MAST4: variants seen among roughly 807,000 people sequenced by gnomAD.
MAST4 encodes the protein microtubule-associated serine/threonine-protein kinase 4.
In MAST4, 89 loss-of-function variants were observed where a neutral mutation model predicts 162.7. The observed-to-expected ratio is 0.55, with a 90% confidence interval of 0.46 to 0.65. MAST4 has a LOEUF of 0.65. Among genes scored for constraint, MAST4 ranks in the 30% least tolerant of loss-of-function variants. MAST4 has a pLI of 0.00. For synonymous variants in MAST4, 1,479 were observed against 1,361.1 expected (o/e 1.09, Z -1.91); for missense variants, 3,153 against 3,374.0 (o/e 0.93, Z 1.62).
intron 2 of MAST4, among the ~76,000 whole-genome samples, chr5:66,771,947 T>C (rs918329971): frequency 2.0e-5 from 3 of 152,180 alleles, no homozygotes; most frequent in Non-Finnish European, 4.4e-5. Context: ...TGCATTGTGC[T>C]CTTTTAGGTT....
At chr5:66,833,296 A>G (rs1757741163) in intron 3 of MAST4, among the ~76,000 whole-genome samples, 1 of 152,102 alleles carries the variant, frequency 6.6e-6, no homozygotes, top group Non-Finnish European at 1.5e-5. Flanking sequence ...CCTGTCACCA[A>G]ACCCTGTCAA....
intron 4 of MAST4, among the ~76,000 whole-genome samples, chr5:67,036,274 A>G (rs955287213): frequency 2.0e-5 from 3 of 151,622 alleles, no homozygotes; most frequent in African/African-American, 4.9e-5. Flanking sequence ...TGTGGCTAGC[A>G]ATATTTAAAA....
chr5:66,722,302 T>A (rs1238733898), intron 1 of MAST4, among the ~76,000 whole-genome samples: 1 of 152,140 alleles, frequency 6.6e-6, no homozygotes, highest in Non-Finnish European at 1.5e-5. Flanking sequence ...CCTGGCTATT[T>A]TGAGCCTCTG....
At chr5:66,703,823 T>A (rs182887360) in intron 1 of MAST4, among the ~76,000 whole-genome samples, 1 of 152,318 alleles carries the variant, frequency 6.6e-6, no homozygotes, top group South Asian at 2.1e-4. Context: ...CTGCTCCAGT[T>A]TGATCTCTTT....
At chr5:66,740,224 C>T (rs1210312143) in intron 1 of MAST4, among the ~76,000 whole-genome samples, 2 of 152,160 alleles carry the variant, frequency 1.3e-5, no homozygotes, top group Non-Finnish European at 2.9e-5. Context: ...TTAAAAGAGA[C>T]AGCAGAGGCT....
At chr5:66,825,140 C>G (rs1475094462) in intron 3 of MAST4, among the ~76,000 whole-genome samples, 1 of 152,086 alleles carries the variant, frequency 6.6e-6, no homozygotes, top group Admixed American at 6.6e-5. Context: ...TAAATTCTTT[C>G]GCAATATCAC....
At chr5:67,137,555 T>A (rs1457599702) in intron 19 of MAST4, among the ~76,000 whole-genome samples, 1 of 152,216 alleles carries the variant, frequency 6.6e-6, no homozygotes, top group African/African-American at 2.4e-5. Flanking sequence ...TCCCCCATTT[T>A]TTTCCAAGAC....
chr5:67,126,696 C>G (rs1249072399), intron 14 of MAST4, among the ~76,000 whole-genome samples: 1 of 152,090 alleles, frequency 6.6e-6, no homozygotes, highest in Non-Finnish European at 1.5e-5. Flanking sequence ...CAGCTTTGTT[C>G]TTTTGGCTTA....
At chr5:66,619,454 T>A (rs1366399106) in intron 1 of MAST4, among the ~76,000 whole-genome samples, 1 of 152,208 alleles carries the variant, frequency 6.6e-6, no homozygotes, top group Non-Finnish European at 1.5e-5. Flanking sequence ...TTTGTTGAGC[T>A]GCTTATACCC....
chr5:66,772,950 C>A (rs1463652995), intron 2 of MAST4, among the ~76,000 whole-genome samples: 1 of 152,172 alleles, frequency 6.6e-6, no homozygotes, highest in Non-Finnish European at 1.5e-5. Context: ...CCCCTGTGCA[C>A]ACACACATGC....
chr5:67,087,833 C>A (rs1763416446), intron 5 of MAST4, among the ~76,000 whole-genome samples: 1 of 152,122 alleles, frequency 6.6e-6, no homozygotes, highest in Admixed American at 6.5e-5. Flanking sequence ...AGAACTAACA[C>A]CTCTATAGTC....
At chr5:66,967,990 G>A (rs902500333) in intron 4 of MAST4, among the ~76,000 whole-genome samples, 11 of 152,142 alleles carry the variant, frequency 7.2e-5, no homozygotes, top group Non-Finnish European at 1.3e-4. Flanking sequence ...TAATATAGAT[G>A]TGACTCGTGC....
In MAST4 at chr5:67,165,787, C is replaced by T; in HGVS notation, c.6608C>T (p.Pro2203Leu). Residue 2203 changes from proline to leucine, a missense_variant, in exon 29 of 29, where the codon CCA becomes CTA. By Grantham distance (98) the Pro-to-Leu change is moderately conservative. Transcript: ENST00000403625. ...KPRPGPDPGP[P>L]KTKHPDRSLS... ...CGGCCTGGCCCTGACCCGGGCCCTC[C>T]AAAGACTAAGCACCCCGACCGGTCC... The T allele has an allele frequency of 6.2e-7, 1 of 1,608,030 alleles. No individual in the cohort carries two copies. The highest frequency in any genetic ancestry group is 8.5e-7 in the Non-Finnish European group (1 of 1,177,516).
chr5:67,137,086 C>A (rs1769750386), intron 19 of MAST4, among the ~76,000 whole-genome samples: 1 of 152,088 alleles, frequency 6.6e-6, no homozygotes, highest in South Asian at 2.1e-4. Context: ...GGATTTGACC[C>A]AGCACGTTAC....
chr5:66,613,199 AGCCAGTGT>A (rs1743411487), intron 1 of MAST4, among the ~76,000 whole-genome samples: 1 of 152,192 alleles, frequency 6.6e-6, no homozygotes, highest in Non-Finnish European at 1.5e-5. Flanking sequence ...TACAGGTGTG[AGCCAGTGT>A]GCCCGGCCCA....
chr5:66,982,570 A>G (rs16896118), intron 4 of MAST4, among the ~76,000 whole-genome samples: 5,134 of 152,288 alleles, frequency 0.034, 161 homozygotes, highest in African/African-American at 0.071. Context: ...AAGCACTTAA[A>G]GAGCTGACAT....
At chr5:66,835,687 AAAT>A (rs1458964176) in intron 3 of MAST4, among the ~76,000 whole-genome samples, 1 of 152,222 alleles carries the variant, frequency 6.6e-6, no homozygotes, top group East Asian at 1.9e-4. Flanking sequence ...GAGCGTAACT[AAAT>A]AAGATGTTTG....
intron 4 of MAST4, among the ~76,000 whole-genome samples, chr5:66,978,960 T>A (rs953008987): frequency 1.3e-5 from 2 of 152,020 alleles, no homozygotes; most frequent in African/African-American, 4.8e-5. Flanking sequence ...AGAAAAGGAA[T>A]GATGAAGAGC....
chr5:66,722,379 T>C (rs1041237084), intron 1 of MAST4, among the ~76,000 whole-genome samples: 3 of 152,050 alleles, frequency 2.0e-5, no homozygotes, highest in African/African-American at 7.2e-5. Flanking sequence ...CCGAAAGTTA[T>C]CTTCTCCATG....
Sources: allele counts gnomAD v4.1 joint callset (sites outside exome capture counted in the v4.1 genomes callset), GRCh38; gene constraint gnomAD v4.1.1; transcripts MANE v1.5; gene names NCBI Gene and HGNC (gene_info 2026-07-23, HGNC 2026-07-21).